The following SYT14 variants were observed in gnomAD, a reference collection of about 807,000 sequenced individuals.
SYT14 encodes the protein synaptotagmin-14.
A neutral mutation model predicts 74.2 loss-of-function variants in SYT14; 32 were observed. That is an observed-to-expected ratio of 0.43 (90% CI 0.33 to 0.58). The LOEUF is 0.58. Ranked by LOEUF, SYT14 falls within the 20% of genes least tolerant of loss-of-function variation. The pLI, the probability that SYT14 is intolerant of heterozygous loss-of-function variation, is 0.05. For missense variants in SYT14, 791 were observed against 981.8 expected, an observed-to-expected ratio of 0.81 and a Z score of 2.60; for synonymous variants, 298 against 337.7, an observed-to-expected ratio of 0.88 and a Z score of 1.29.
chr1:209,946,314 A>G (rs1307100564), intron 1 of SYT14, among the ~76,000 whole-genome samples: 1 of 152,248 alleles, frequency 6.6e-6, no homozygotes, highest in Non-Finnish European at 1.5e-5. Flanking sequence ...GAGACTGGCC[A>G]AAAGCTAGGC....
chr1:210,159,408 C>T lies in SYT14; in HGVS notation c.2225-13C>T. On this transcript the variant is annotated splice_polypyrimidine_tract_variant and intron_variant, in intron 8 of 9. Transcript: ENST00000637265. ...CATTATTTCTTTTACTGCTTTCCAC[C>T]CCCTGTTGTCAGATGGACTGTTCTG... is the stretch of plus-strand genomic sequence containing the variant. 1 of 1,551,206 alleles carries T rather than the reference C, an allele frequency of 6.4e-7. No individual in the cohort carries two copies. The highest frequency in any genetic ancestry group is 8.7e-7 in the Non-Finnish European group (1 of 1,146,652).
rs540957051 is a variant in SYT14, at chr1:210,116,099, A to G, written c.2034+15638A>G. 3.9e-5 allele frequency among the ~76,000 whole-genome samples: 6 copies of G among 151,982 alleles called. No homozygotes were observed. In the East Asian group the frequency reaches 5.8e-4, roughly 15 times the overall value. Reference sequence around the variant, plus strand: ...CCAGGAGAAGGAATTTCACAAGGTAATGTCATCAGTTAAGGCAGGAACCAG... The same window carrying G: ...CCAGGAGAAGGAATTTCACAAGGTAGTGTCATCAGTTAAGGCAGGAACCAG... On this transcript the variant is annotated intron_variant, in intron 7 of 9. Coordinates refer to ENST00000637265, the Ensembl canonical transcript of SYT14.
chr1:210,085,775 G>A (rs2081715644), intron 5 of SYT14, among the ~76,000 whole-genome samples: 1 of 152,072 alleles, frequency 6.6e-6, no homozygotes, highest in African/African-American at 2.4e-5. Context: ...CATAACTCTG[G>A]GTTAGATTTG....
intron 3 of SYT14, among the ~76,000 whole-genome samples, chr1:210,014,873 A>G (rs1023916646): frequency 2.0e-5 from 3 of 151,988 alleles, no homozygotes; most frequent in Admixed American, 2.0e-4. Flanking sequence ...TTTAATGACA[A>G]CTTTGTACTT....
chr1:209,988,508 A>C (rs2102827539), intron 2 of SYT14, among the ~76,000 whole-genome samples: 1 of 152,218 alleles, frequency 6.6e-6, no homozygotes, highest in South Asian at 2.1e-4. Flanking sequence ...AACATTGTGA[A>C]GTTTCCCTTG....
At chr1:210,082,388 G>A (rs1452949821) in intron 5 of SYT14, among the ~76,000 whole-genome samples, 1 of 152,070 alleles carries the variant, frequency 6.6e-6, no homozygotes, top group East Asian at 1.9e-4. Context: ...ATCCACCGAG[G>A]TTTTCCTTTT....
At chr1:210,089,991 C>T (rs955432758) in intron 5 of SYT14, among the ~76,000 whole-genome samples, 5 of 152,170 alleles carry the variant, frequency 3.3e-5, no homozygotes, top group Non-Finnish European at 5.9e-5. Context: ...AAGGACGGGC[C>T]TGTGACCAGT....
chr1:210,156,433 G>A (rs1285341963), intron 8 of SYT14, among the ~76,000 whole-genome samples: 1 of 151,872 alleles, frequency 6.6e-6, no homozygotes, highest in Non-Finnish European at 1.5e-5. Context: ...GATGGAATGG[G>A]CTTTGCTCTT....
chr1:210,076,910 A>G (rs998359525), intron 5 of SYT14, among the ~76,000 whole-genome samples: 100 of 152,206 alleles, frequency 6.6e-4, no homozygotes, highest in African/African-American at 4.1e-4. Flanking sequence ...ACAATTCAAC[A>G]TGAGATTTGG....
intron 5 of SYT14, among the ~76,000 whole-genome samples, chr1:210,088,550 G>T (rs947574655): frequency 1.3e-5 from 2 of 151,980 alleles, no homozygotes; most frequent in Non-Finnish European, 2.9e-5. Flanking sequence ...GTTTATTGCA[G>T]CACTATTCAC....
intron 1 of SYT14, among the ~76,000 whole-genome samples, chr1:209,942,360 A>AACCCC (rs2078747291): frequency 2.7e-4 from 20 of 74,638 alleles, no homozygotes; most frequent in African/African-American, 1.2e-3. Flanking sequence ...ATGCAAATTT[A>AACCCC]CCCCCCCCCC....
intron 1 of SYT14, among the ~76,000 whole-genome samples, chr1:209,945,408 C>CA (rs1185765188): frequency 6.6e-6 from 1 of 151,956 alleles, no homozygotes; most frequent in African/African-American, 2.4e-5. Flanking sequence ...TAATTAGGGA[C>CA]AAAACTAAAA....
At chr1:209,949,017 A>G (rs2078867742) in intron 1 of SYT14, among the ~76,000 whole-genome samples, 1 of 152,152 alleles carries the variant, frequency 6.6e-6, no homozygotes, top group Admixed American at 6.5e-5. Flanking sequence ...TTGGATAACC[A>G]CCACATCTAA....
intron 2 of SYT14, among the ~76,000 whole-genome samples, chr1:209,993,243 CAG>C (rs2079725794): frequency 6.6e-6 from 1 of 152,200 alleles, no homozygotes; most frequent in Non-Finnish European, 1.5e-5. Flanking sequence ...CGCCATGGAA[CAG>C]GGGCACATCT....
At chr1:210,027,330 A>G (rs2080435272) in intron 5 of SYT14, among the ~76,000 whole-genome samples, 1 of 151,746 alleles carries the variant, frequency 6.6e-6, no homozygotes, top group Non-Finnish European at 1.5e-5. Context: ...CGGGAGGACC[A>G]CTTAAGCCCA....
At chr1:210,019,129 C>T (rs891994275) in intron 4 of SYT14, among the ~76,000 whole-genome samples, 13 of 25,372 alleles carry the variant, frequency 5.1e-4, no homozygotes, top group African/African-American at 4.8e-3. Context: ...GGTGAGACTC[C>T]TCAAAAAAAA....
intron 7 of SYT14, among the ~76,000 whole-genome samples, chr1:210,147,249 C>A (rs561117623): frequency 2.6e-5 from 4 of 151,650 alleles, no homozygotes; most frequent in Non-Finnish European, 2.9e-5. Flanking sequence ...ATGAAAAAGT[C>A]ATTAAAAATA....
intron 7 of SYT14, among the ~76,000 whole-genome samples, chr1:210,132,795 T>A (rs1178706873): frequency 6.6e-6 from 1 of 152,136 alleles, no homozygotes; most frequent in Admixed American, 6.6e-5. Context: ...CTGTCCATGG[T>A]ACTGACAAGT....
At chr1:210,052,735 A>G (rs539405169) in intron 5 of SYT14, among the ~76,000 whole-genome samples, 1 of 151,070 alleles carries the variant, frequency 6.6e-6, no homozygotes, top group South Asian at 2.1e-4. Flanking sequence ...ATTAAATATT[A>G]AAGAGTTGAC....
Sources: gnomAD v4.1 joint callset for allele counts (sites outside exome capture counted in the v4.1 genomes callset) on GRCh38, gnomAD v4.1.1 for gene constraint, MANE v1.5 for transcripts, NCBI Gene and HGNC (gene_info 2026-07-23, HGNC 2026-07-21) for gene names.